The following VPS13D variants were observed in gnomAD, a reference collection of about 807,000 sequenced individuals.
VPS13D encodes intermembrane lipid transfer protein VPS13D.
In VPS13D, 187 loss-of-function variants were observed where a neutral mutation model predicts 461.9. The observed-to-expected ratio is 0.40, with a 90% CI of 0.36 to 0.46. The LOEUF is 0.46. VPS13D is among the 20% of genes least tolerant of loss of function. The pLI is 0.60. For missense variants in VPS13D, 4,711 were observed against 5,364.9 expected, an observed-to-expected ratio of 0.88 and a Z score of 3.81; for synonymous variants, 1,951 against 1,986.3, an observed-to-expected ratio of 0.98 and a Z score of 0.47.
At chr1:12,289,878 G>C (rs939987266) in intron 22 of VPS13D, among the ~76,000 whole-genome samples, 10 of 152,122 alleles carry the variant, frequency 6.6e-5, no homozygotes, top group Non-Finnish European at 1.2e-4. Context: ...CAAGGCTGCA[G>C]TGAGCCATGA....
chr1:12,304,037 A>G (rs569010625), intron 25 of VPS13D, among the ~76,000 whole-genome samples: 1 of 152,350 alleles, frequency 6.6e-6, no homozygotes. Flanking sequence ...TGGGAAATGT[A>G]AACCCATGAG....
Position 12,314,163 on chromosome 1 carries a change from A to G in VPS13D, c.6984A>G (p.Gln2328=). The G allele has an allele frequency of 6.2e-7, 1 of 1,614,132 alleles. No individual in the cohort carries two copies. Among genetic ancestry groups the G allele is most frequent in the Non-Finnish European group, 8.5e-7 (1 of 1,180,014 alleles). The change falls in exon 30 of 70, where the codon CAA becomes CAG. Residue 2328 remains glutamine, a synonymous_variant. Transcript: ENST00000620676. The part of the protein sequence containing the change: ...CKLLYESFSN[Q]TKSINLVSHS... ...TGCTCTATGAAAGTTTTTCCAACCAAACCAAGTCCATTAACTTGGTTTCCC... is the reference window on the plus strand; with the variant it reads ...TGCTCTATGAAAGTTTTTCCAACCAGACCAAGTCCATTAACTTGGTTTCCC...
chr1:12,461,736 T>G (rs952518834), intron 67 of VPS13D, among the ~76,000 whole-genome samples: 5 of 152,184 alleles, frequency 3.3e-5, no homozygotes, highest in African/African-American at 1.2e-4. Context: ...AATGTCAAAA[T>G]AGCCAAGGGA....
At chr1:12,487,646 G>A (rs1411681620) in intron 67 of VPS13D, among the ~76,000 whole-genome samples, 2 of 151,546 alleles carry the variant, frequency 1.3e-5, no homozygotes, top group East Asian at 1.9e-4. Flanking sequence ...CACAAAGCAG[G>A]TCCCCTCTGG....
chr1:12,463,136 C>G (rs1645434096), intron 67 of VPS13D, among the ~76,000 whole-genome samples: 1 of 152,136 alleles, frequency 6.6e-6, no homozygotes, highest in African/African-American at 2.4e-5. Flanking sequence ...TAACCATTCA[C>G]TCCTCCTAGA....
intron 67 of VPS13D, among the ~76,000 whole-genome samples, chr1:12,470,070 C>T (rs942063524): frequency 6.6e-6 from 1 of 152,228 alleles, no homozygotes; most frequent in African/African-American, 2.4e-5. Flanking sequence ...GGCAGTTGTT[C>T]TGTGTTAACA....
chr1:12,335,009 A>G (rs1188710174), intron 38 of VPS13D, among the ~76,000 whole-genome samples: 1 of 152,230 alleles, frequency 6.6e-6, no homozygotes, highest in Non-Finnish European at 1.5e-5. Context: ...ATCTTCATCT[A>G]GGTGTGGTGC....
In VPS13D at chr1:12,308,531, G is replaced by C; in HGVS notation, c.6540G>C (p.Glu2180Asp). ...RHPREYSKAP[E>D]DSSGDLIFPS... ...CGAGAGAATACTCGAAGGCACCAGA[G>C]GATAGTAGTGGAGATCTGATCTTCC... The change falls in exon 27 of 70, where the codon GAG becomes GAC. Residue 2180 changes from glutamate to aspartate, a missense_variant. Physicochemically the swap from Glu to Asp is conservative, Grantham distance 45. This residue lies in a region of VPS13D where 4,411 missense variants were observed against 4,937.8 expected (regional missense o/e 0.89). Coordinates refer to ENST00000620676, the MANE Select transcript of VPS13D (RefSeq NM_015378.4). 1 of 1,614,098 alleles carries C rather than the reference G, an allele frequency of 6.2e-7. No homozygotes were observed. Among genetic ancestry groups the C allele is most frequent in the Non-Finnish European group, 8.5e-7 (1 of 1,180,014 alleles).
chr1:12,356,470 C>T lies in VPS13D; in HGVS notation c.9944C>T (p.Ala3315Val), dbSNP rs766482309. 8.1e-6 allele frequency: 13 copies of T among 1,614,112 alleles called. No homozygotes were observed. Among genetic ancestry groups the T allele is most frequent in the East Asian group, 2.2e-5 (1 of 44,890 alleles). Residue 3315 changes from alanine to valine, a missense_variant, in exon 49 of 70, where the codon GCC becomes GTC. By Grantham distance (64) the Ala-to-Val change is moderately conservative. Around this residue, in one of 3 missense-constraint regions of VPS13D, gnomAD observed 4,411 missense variants for 4,937.8 expected, o/e 0.89. Coordinates refer to ENST00000620676, the MANE Select transcript of VPS13D (RefSeq NM_015378.4). Reference sequence around the variant, plus strand: ...GGCCAGTTTGAGGAGCATGAGCTGGCCCGTAGCCTGAGTCCTCTCTTATTC... The same window carrying T: ...GGCCAGTTTGAGGAGCATGAGCTGGTCCGTAGCCTGAGTCCTCTCTTATTC... ...AAGQFEEHEL[A>V]RSLSPLLFCY...
chr1:12,338,143 C>T, intron 39 of VPS13D, 88 bp from the exon 40 acceptor site: 1 of 1,175,964 alleles, frequency 8.5e-7, no homozygotes, highest in Non-Finnish European at 1.3e-6. Context: ...TTGTAATGTT[C>T]TCTATTTGTG....
intron 2 of VPS13D, among the ~76,000 whole-genome samples, chr1:12,239,019 A>G (rs1640258884): frequency 6.6e-6 from 1 of 152,198 alleles, no homozygotes; most frequent in South Asian, 2.1e-4. Flanking sequence ...GGCAGTATAG[A>G]TTAAATGATT....
In VPS13D at chr1:12,325,344, C is replaced by T. The variant is rs187408358; in HGVS notation, c.7990+1564C>T. ...GCGCGATCTTGGCCCACTGCAACCTCCGCCTCCCAGGTTCAAGTGATACTC... is the reference window on the plus strand; with the variant it reads ...GCGCGATCTTGGCCCACTGCAACCTTCGCCTCCCAGGTTCAAGTGATACTC... On this transcript the variant is annotated intron_variant, in intron 35 of 69. Coordinates refer to ENST00000620676, the MANE Select transcript of VPS13D (RefSeq NM_015378.4). 7.3e-3 allele frequency among the ~76,000 whole-genome samples: 1,116 copies of T among 152,280 alleles called. 16 individuals carry two copies. Among genetic ancestry groups the T allele is most frequent in the African/African-American group, 0.025 (1,019 of 41,534 alleles).
intron 34 of VPS13D, among the ~76,000 whole-genome samples, chr1:12,323,110 C>T (rs1477099466): frequency 6.6e-6 from 1 of 152,118 alleles, no homozygotes; most frequent in African/African-American, 2.4e-5. Flanking sequence ...TGCTCTGTCA[C>T]CCAGGTTGGA....
chr1:12,247,956 C>T (rs949789004), intron 5 of VPS13D, among the ~76,000 whole-genome samples: 5 of 151,204 alleles, frequency 3.3e-5, no homozygotes, highest in Admixed American at 1.3e-4. Flanking sequence ...GGCGTGATCC[C>T]GGCTCACTGC....
At chr1:12,435,969 C>T (rs1367519646) in intron 65 of VPS13D, among the ~76,000 whole-genome samples, 4 of 152,178 alleles carry the variant, frequency 2.6e-5, no homozygotes, top group Non-Finnish European at 5.9e-5. Context: ...TAACTCTACA[C>T]ATCGAGCTGA....
intron 25 of VPS13D, among the ~76,000 whole-genome samples, chr1:12,301,998 C>T (rs562654538): frequency 2.9e-4 from 44 of 152,234 alleles, no homozygotes; most frequent in Non-Finnish European, 5.1e-4. Flanking sequence ...CTTACAAAAC[C>T]GAAATGGCTT....
In VPS13D at chr1:12,380,278, G is replaced by A. The variant is rs1290213769; in HGVS notation, c.11190+682G>A. On this transcript the variant is annotated intron_variant, in intron 57 of 69. Transcript: ENST00000620676. The stretch of plus-strand genomic sequence containing the variant: ...AAAAATTACCTATGTAATTTTAAAA[G>A]TCCAGCACTAAGTTAGATGAATTAG... Among the ~76,000 whole-genome samples, 24 of 152,130 alleles carry A rather than the reference G, an allele frequency of 1.6e-4. 1 individual carries two copies. The highest frequency in any genetic ancestry group is 1.5e-3 in the Admixed American group (23 of 15,278).
At chr1:12,484,763 T>C (rs1473945263) in intron 67 of VPS13D, among the ~76,000 whole-genome samples, 2 of 152,174 alleles carry the variant, frequency 1.3e-5, no homozygotes, top group African/African-American at 4.8e-5. Flanking sequence ...TGAGGAGGTG[T>C]TGATAGCACA....
chr1:12,484,502 A>G (rs907440463), intron 67 of VPS13D, among the ~76,000 whole-genome samples: 1 of 152,252 alleles, frequency 6.6e-6, no homozygotes, highest in Non-Finnish European at 1.5e-5. Context: ...AAGTTGACCA[A>G]GTACATCAAG....
Sources: allele counts gnomAD v4.1 joint callset (sites outside exome capture counted in the v4.1 genomes callset), GRCh38; gene constraint gnomAD v4.1.1; regional missense constraint gnomAD v4.1.1; transcripts MANE v1.5; gene names NCBI Gene and HGNC (gene_info 2026-07-23, HGNC 2026-07-21).